Variants in MCTP1 observed in about 807,000 individuals in gnomAD.
MCTP1 encodes the protein multiple C2 and transmembrane domain containing 1.
A neutral mutation model predicts 120.6 loss-of-function variants in MCTP1; 69 were observed. The ratio of observed to expected loss-of-function variants is 0.57; its 90% CI spans 0.47 to 0.70. MCTP1 has a LOEUF of 0.70. Ranked by LOEUF, MCTP1 falls within the 30% of genes least tolerant of loss-of-function variation. The pLI is 0.00. For missense variants in MCTP1, 1,203 were observed against 1,248.8 expected, an observed-to-expected ratio of 0.96 and a Z score of 0.55; for synonymous variants, 529 against 493.1, an observed-to-expected ratio of 1.07 and a Z score of -0.96.
At chr5:94,984,899 A>G (rs1830181822) in intron 2 of MCTP1, among the ~76,000 whole-genome samples, 1 of 152,202 alleles carries the variant, frequency 6.6e-6, no homozygotes, top group Non-Finnish European at 1.5e-5. Flanking sequence ...AGCACTTGCT[A>G]ATAAACTTTA....
chr5:95,209,608 C>T (rs144519831), intron 1 of MCTP1, among the ~76,000 whole-genome samples: 45 of 152,228 alleles, frequency 3.0e-4, no homozygotes, highest in African/African-American at 1.1e-3. Context: ...AGTCTATTTG[C>T]CATAAAACTG....
intron 2 of MCTP1, among the ~76,000 whole-genome samples, chr5:95,002,336 TC>T (rs2153637690): frequency 6.6e-6 from 1 of 152,126 alleles, no homozygotes; most frequent in Admixed American, 6.5e-5. Flanking sequence ...AGGGTCACCG[TC>T]CTCCAGATCC....
chr5:95,112,358 A>G (rs1169612058), intron 1 of MCTP1, among the ~76,000 whole-genome samples: 8 of 152,214 alleles, frequency 5.3e-5, no homozygotes, highest in Non-Finnish European at 1.2e-4. Flanking sequence ...AAAACTTTCC[A>G]TGGTATTTCT....
At chr5:95,148,004 T>C (rs1037749278) in intron 1 of MCTP1, among the ~76,000 whole-genome samples, 4 of 152,212 alleles carry the variant, frequency 2.6e-5, no homozygotes, top group African/African-American at 9.6e-5. Context: ...TTTCTTTTCA[T>C]TGAGGATGCT....
chr5:95,102,438 A>T (rs898110538), intron 1 of MCTP1, among the ~76,000 whole-genome samples: 1 of 152,344 alleles, frequency 6.6e-6, no homozygotes, highest in African/African-American at 2.4e-5. Flanking sequence ...GTTTTAAGCC[A>T]CAAAGTTGAA....
chr5:95,102,571 A>T (rs9314126), intron 1 of MCTP1, among the ~76,000 whole-genome samples: 26,833 of 152,196 alleles, frequency 0.18, 2,991 homozygotes, highest in East Asian at 0.38. Flanking sequence ...AACCCATCTC[A>T]TATAATGCCC....
intron 19 of MCTP1, among the ~76,000 whole-genome samples, chr5:94,726,723 G>C (rs1216513641): frequency 6.6e-6 from 1 of 152,172 alleles, no homozygotes; most frequent in Admixed American, 6.5e-5. Flanking sequence ...TCAGGAAAGT[G>C]AGGCTTGGAG....
chr5:94,738,384 G>A (rs935814529), intron 19 of MCTP1, among the ~76,000 whole-genome samples: 2 of 152,028 alleles, frequency 1.3e-5, no homozygotes, highest in African/African-American at 4.8e-5. Context: ...AATACATTCA[G>A]TAGAAGCACC....
At chr5:94,763,097 T>G (rs1771712981) in intron 19 of MCTP1, among the ~76,000 whole-genome samples, 1 of 152,250 alleles carries the variant, frequency 6.6e-6, no homozygotes, top group African/African-American at 2.4e-5. Flanking sequence ...CTTTCTATTA[T>G]CATTTTTACT....
chr5:94,889,154 C>T (rs1403146612), intron 11 of MCTP1, among the ~76,000 whole-genome samples, 182 bp from the exon 12 acceptor site: 2 of 151,822 alleles, frequency 1.3e-5, no homozygotes, highest in African/African-American at 2.4e-5. Context: ...ATTGCATGTG[C>T]TAGCTGAGGA....
intron 17 of MCTP1, among the ~76,000 whole-genome samples, chr5:94,866,260 A>C (rs1335318888): frequency 6.6e-6 from 1 of 151,934 alleles, no homozygotes; most frequent in Non-Finnish European, 1.5e-5. Context: ...TAAGTGCTAG[A>C]TACTGTGCAG....
chr5:95,265,162 C>G (rs1393194431), intron 1 of MCTP1, among the ~76,000 whole-genome samples: 2 of 152,152 alleles, frequency 1.3e-5, no homozygotes, highest in Admixed American at 1.3e-4. Flanking sequence ...TTTTAGCTCC[C>G]AAGCATGGCC....
At chr5:95,120,197 T>C (rs1206147993) in intron 1 of MCTP1, among the ~76,000 whole-genome samples, 4 of 126,540 alleles carry the variant, frequency 3.2e-5, no homozygotes, top group African/African-American at 8.3e-5. Flanking sequence ...AAAAAAAGTC[T>C]CCCAGCTACG....
intron 7 of MCTP1, among the ~76,000 whole-genome samples, chr5:94,918,264 TG>T (rs1810638371): frequency 6.6e-6 from 1 of 152,176 alleles, no homozygotes; most frequent in Non-Finnish European, 1.5e-5. Context: ...TTCAGGTTTT[TG>T]TTAATAGGTG....
Position 95,257,796 on chromosome 5 carries a change from T to TACACACACACACACACACACACACAC in MCTP1, c.720+26034_720+26059dup, listed in dbSNP as rs369408591. Among the ~76,000 whole-genome samples the TACACACACACACACACACACACACAC allele has an allele frequency of 3.8e-4, 48 of 125,416 alleles. 1 individual carries two copies. The highest frequency in any genetic ancestry group is 9.6e-4 in the Admixed American group (12 of 12,438). 82.3% of individuals were successfully genotyped at this position (125,416 alleles called of 152,430 possible). A position where few individuals can be genotyped will look rare whatever the true frequency, so the allele number is the denominator to read the frequency against. On this transcript the variant is annotated intron_variant, in intron 1 of 22. Transcript: ENST00000515393. ...AAGGAAGGAAGTGCTCCAGAAAACA[T>TACACACACACACACACACACACACAC]ACACACACACACACACACACACACA...
At chr5:94,955,491 G>C (rs965272618) in intron 2 of MCTP1, among the ~76,000 whole-genome samples, 1 of 152,158 alleles carries the variant, frequency 6.6e-6, no homozygotes, top group Admixed American at 6.5e-5. Flanking sequence ...TACCCCCATG[G>C]AGCCCAGAAA....
intron 1 of MCTP1, among the ~76,000 whole-genome samples, chr5:95,084,717 T>C (rs948173648): frequency 1.3e-5 from 2 of 152,178 alleles, no homozygotes; most frequent in African/African-American, 4.8e-5. Flanking sequence ...TTGAAACATT[T>C]CAGGCTTCTG....
chr5:94,939,310 A>T (rs1816977504), intron 5 of MCTP1, among the ~76,000 whole-genome samples: 1 of 151,996 alleles, frequency 6.6e-6, no homozygotes, highest in Non-Finnish European at 1.5e-5. Context: ...GAGTATTTGG[A>T]CTTGCCTAAA....
chr5:94,839,760 G>A (rs1471486668), intron 17 of MCTP1, among the ~76,000 whole-genome samples: 1 of 151,986 alleles, frequency 6.6e-6, no homozygotes, highest in East Asian at 1.9e-4. Context: ...CTAACTGTGT[G>A]ATCTCAGGCA....
Sources: allele counts gnomAD v4.1 joint callset (sites outside exome capture counted in the v4.1 genomes callset), GRCh38; gene constraint gnomAD v4.1.1; transcripts MANE v1.5; gene names NCBI Gene and HGNC (gene_info 2026-07-23, HGNC 2026-07-21).